The following RFX1 variants were observed in gnomAD, a reference collection of about 807,000 sequenced individuals.
The protein encoded by RFX1 is MHC class II regulatory factor RFX1.
RFX1 carries 42 observed loss-of-function variants against 119.6 expected under a neutral mutation model. The ratio of observed to expected loss-of-function variants is 0.35; its 90% CI spans 0.27 to 0.45. The LOEUF (loss-of-function observed/expected upper bound fraction) is 0.45. Among genes scored for constraint, RFX1 ranks in the 20% least tolerant of loss-of-function variants. RFX1 has a pLI of 1.00. For missense variants in RFX1, 1,118 were observed against 1,368.1 expected (o/e 0.82, Z 2.88); for synonymous variants, 628 against 618.5 (o/e 1.02, Z -0.23).
intron 1 of RFX1, among the ~76,000 whole-genome samples, chr19:14,005,291 C>T (rs1975335844): frequency 6.6e-6 from 1 of 152,176 alleles, no homozygotes; most frequent in Non-Finnish European, 1.5e-5. Flanking sequence ...CCAGATCCTC[C>T]ACGCTAAAGC....
At chr19:13,982,958 A>G (rs1005174066) in intron 4 of RFX1, 21 of 551,654 alleles carry the variant, frequency 3.8e-5, no homozygotes, top group Middle Eastern at 4.7e-4. Context: ...CCAACTATAC[A>G]TCTTGTTCTC....
chr19:13,984,254 A>AG (rs1476537626), intron 2 of RFX1, among the ~76,000 whole-genome samples: 2 of 90,122 alleles, frequency 2.2e-5, no homozygotes, highest in Admixed American at 3.4e-4. Flanking sequence ...CTGTCCGTCC[A>AG]GGGGGGCCTG....
At chr19:14,006,632 G>C (rs1051902914), upstream of RFX1, 1 of 152,242 alleles carries the variant, frequency 6.6e-6, no homozygotes, top group Non-Finnish European at 1.5e-5. Context: ...TTCGACTAAA[G>C]GGACGTCAAT....
rs113216806 is a variant in RFX1, at chr19:13,963,485, G to A, written c.2570+53C>T. On this transcript the variant is annotated intron_variant, in intron 18 of 20. Transcript: ENST00000254325. ...GTAGAAGAGCACCTGAGACCCCCAG[G>A]GACGCGGGGCCTTCCCTGGTGCCGC... is the stretch of plus-strand genomic sequence containing the variant. The A allele has an allele frequency of 4.0e-3, 6,121 of 1,520,812 alleles. 204 individuals carry two copies. The African/African-American group carries it at 0.074, about 18-fold the overall frequency. The allele number at this position is 1,520,812 out of a possible 1,614,324, so 94.2% of individuals were successfully genotyped here. A position where few individuals can be genotyped will look rare whatever the true frequency, so the allele number is the denominator to read the frequency against.
intron 1 of RFX1, among the ~76,000 whole-genome samples, chr19:14,003,068 C>T (rs915499993): frequency 6.6e-6 from 1 of 152,228 alleles, no homozygotes; most frequent in Non-Finnish European, 1.5e-5. Flanking sequence ...CTGCAACTTC[C>T]ATCTCCACGG....
In RFX1 at chr19:13,980,849, G is replaced by T. The variant is rs756208015; in HGVS notation, c.622-160C>A. 6.6e-6 allele frequency among the ~76,000 whole-genome samples: 1 copy of T among 151,838 alleles called. No individual in the cohort carries two copies. Among genetic ancestry groups the T allele is most frequent in the Admixed American group, 6.6e-5 (1 of 15,240 alleles). On this transcript the variant is annotated intron_variant, in intron 5 of 20. Transcript: ENST00000254325. The surrounding 1 kb of genome is among the most constrained non-coding windows in gnomAD (Gnocchi z 5.1). ...AGGCTGGTAACTGACCGCGTCCCAC[G>T]CATCCAAATGCCTACTCCCTGCAAC...
intron 7 of RFX1, among the ~76,000 whole-genome samples, 156 bp from the exon 8 acceptor site, chr19:13,978,242 C>T (rs1974313252): frequency 6.6e-6 from 1 of 152,162 alleles, no homozygotes; most frequent in Admixed American, 6.5e-5. Context: ...TGGAGGAGGC[C>T]AGGGCTGGGA....
chr19:13,963,054 GAAGAA>G lies in RFX1; in HGVS notation c.2725-20_2725-16del. The G allele has an allele frequency of 6.3e-7, 1 of 1,580,034 alleles. No homozygotes were observed. Among genetic ancestry groups the G allele is most frequent in the South Asian group, 1.1e-5 (1 of 87,990 alleles). On this transcript the variant is annotated splice_polypyrimidine_tract_variant and intron_variant, in intron 19 of 20. Coordinates refer to ENST00000254325, the MANE Select transcript of RFX1 (RefSeq NM_002918.5). ...AGATTGGCGAACTGGAGGAAGAAGA[GAAGAA>G]AATGGGTGAGGGTCCCGCCGCCTGG...
intron 8 of RFX1, among the ~76,000 whole-genome samples, chr19:13,976,495 T>C (rs761747793): frequency 9.2e-5 from 14 of 152,182 alleles, no homozygotes; most frequent in Non-Finnish European, 1.8e-4. Flanking sequence ...ACACGGCCCA[T>C]ACACAGGAAT....
At chr19:13,992,396 G>A (rs940102445) in intron 2 of RFX1, among the ~76,000 whole-genome samples, 2 of 152,186 alleles carry the variant, frequency 1.3e-5, no homozygotes, top group African/African-American at 4.8e-5. Flanking sequence ...TCAAAACATC[G>A]TCACTATGTT....
chr19:13,996,338 C>T (rs973087391), intron 1 of RFX1, among the ~76,000 whole-genome samples: 3 of 152,252 alleles, frequency 2.0e-5, no homozygotes, highest in Non-Finnish European at 2.9e-5. Flanking sequence ...CTGGCCATGA[C>T]TCCGGGCAGT....
chr19:13,962,599 G>C lies in RFX1; in HGVS notation c.*96C>G. On this transcript the variant is annotated 3_prime_UTR_variant, in exon 21 of 21. Coordinates refer to ENST00000254325, the MANE Select transcript of RFX1 (RefSeq NM_002918.5). ...TCTCGGAGTCCCCCTCCCTGCCCTGGCTGAGGCTGGAGCAGTGACCACGAA... is the reference window on the plus strand; with the variant it reads ...TCTCGGAGTCCCCCTCCCTGCCCTGCCTGAGGCTGGAGCAGTGACCACGAA... The C allele has an allele frequency of 1.9e-6, 2 of 1,066,620 alleles. No homozygotes were observed. The allele number at this position is 1,066,620 out of a possible 1,614,324, so 66.1% of individuals were successfully genotyped here.
At position 13,993,593 on chromosome 19, in the gene RFX1, G is replaced by A. The variant is rs1005082258; in HGVS notation, c.251C>T (p.Pro84Leu). 5 of 1,612,424 alleles carry A rather than the reference G, an allele frequency of 3.1e-6. No homozygotes were observed. The African/African-American group carries it at 5.3e-5, about 17-fold the overall frequency. The change falls in exon 2 of 21, where the codon CCC becomes CTC. Residue 84 changes from proline to leucine, a missense_variant. Coordinates refer to ENST00000254325, the MANE Select transcript of RFX1 (RefSeq NM_002918.5). ...YVTELPAVPA[P>L]SQPTGAPTPS... is the part of the protein sequence containing the mutation. ...GGTGGGTGCACCGGTTGGCTGCGAG[G>A]GTGCGGGTACAGCCGGGAGCTCCGT...
chr19:14,000,047 T>C lies in RFX1; in HGVS notation c.-53+6056A>G, dbSNP rs531832203. On this transcript the variant is annotated intron_variant, in intron 1 of 20. Coordinates refer to ENST00000254325, the MANE Select transcript of RFX1 (RefSeq NM_002918.5). ...CCTCAGCAAGGCCCTCCCAAAGATATAGAAAGAAAACTCACTCTCTTCATC... is the reference window on the plus strand; with the variant it reads ...CCTCAGCAAGGCCCTCCCAAAGATACAGAAAGAAAACTCACTCTCTTCATC... 1.2e-3 allele frequency among the ~76,000 whole-genome samples: 190 copies of C among 152,226 alleles called. 2 individuals carry two copies. Among genetic ancestry groups the C allele is most frequent in the African/African-American group, 4.1e-3 (172 of 41,530 alleles).
rs1385174057 is a variant in RFX1 at position 13,985,695 on chromosome 19, G to A, written c.320-2100C>T. 6.6e-6 allele frequency among the ~76,000 whole-genome samples: 1 copy of A among 152,232 alleles called. No homozygotes were observed. Among genetic ancestry groups the A allele is most frequent in the Non-Finnish European group, 1.5e-5 (1 of 68,040 alleles). On this transcript the variant is annotated intron_variant, in intron 2 of 20. Transcript: ENST00000254325. This position sits in a 1 kb window ranked among gnomAD's most constrained non-coding sequence, Gnocchi z 4.3. ...GTGATGTGTGAACTTGGGTATATGG[G>A]CACAGGAAGGAAAGTAAGCTGGGGG... is the stretch of plus-strand genomic sequence containing the variant.
At chr19:13,998,571 C>T (rs1975112985) in intron 1 of RFX1, among the ~76,000 whole-genome samples, 1 of 152,078 alleles carries the variant, frequency 6.6e-6, no homozygotes, top group Admixed American at 6.6e-5. Flanking sequence ...ATTCATTCAA[C>T]AAATATCCAA....
intron 1 of RFX1, among the ~76,000 whole-genome samples, chr19:14,003,122 A>G (rs769951356): frequency 3.1e-4 from 47 of 152,044 alleles, no homozygotes; most frequent in Non-Finnish European, 5.6e-4. Flanking sequence ...AGCTGGGACT[A>G]CTACAGTCAT....
rs1198006398 is a variant in RFX1 at position 13,961,812 on chromosome 19, AGGC to A, written c.*880_*882del. The A allele has an allele frequency of 7.2e-5, 11 of 152,422 alleles. No homozygotes were observed. Among genetic ancestry groups the A allele is most frequent in the Non-Finnish European group, 1.3e-4 (9 of 68,086 alleles). 9.4% of individuals were successfully genotyped at this position (152,422 alleles called of 1,614,324 possible). A position where few individuals can be genotyped will look rare whatever the true frequency, so the allele number is the denominator to read the frequency against. The stretch of plus-strand genomic sequence containing the variant: ...AACACTGAGAAAACTGGAACAGATA[AGGC>A]CATGATGGTTGGAAAAAAACCCAAC... On this transcript the variant is annotated 3_prime_UTR_variant, in exon 21 of 21. Transcript: ENST00000254325.
chr19:13,964,583 G>T (rs185894536), intron 16 of RFX1, among the ~76,000 whole-genome samples: 2 of 152,268 alleles, frequency 1.3e-5, no homozygotes, highest in East Asian at 3.9e-4. Flanking sequence ...GTGGGTTCAA[G>T]CGATTCTCGT....
Sources: gnomAD v4.1 joint callset for allele counts (sites outside exome capture counted in the v4.1 genomes callset) on GRCh38, gnomAD v4.1.1 for gene constraint, Gnocchi (gnomAD v3.1) non-coding constraint, MANE v1.5 for transcripts, NCBI Gene and HGNC (gene_info 2026-07-23, HGNC 2026-07-21) for gene names.